ZDHHC11B: variants seen among roughly 807,000 people sequenced by gnomAD.
ZDHHC11B encodes the protein probable palmitoyltransferase ZDHHC11B.
A neutral mutation model predicts 42.3 loss-of-function variants in ZDHHC11B; 17 were observed. The ratio of observed to expected loss-of-function variants is 0.40; its 90% CI spans 0.27 to 0.60. ZDHHC11B has a LOEUF of 0.60. Ranked by LOEUF, ZDHHC11B falls within the 20% of genes least tolerant of loss-of-function variation. The pLI is 0.41. For synonymous variants in ZDHHC11B, 123 were observed against 193.5 expected, an observed-to-expected ratio of 0.64 and a Z score of 3.02; for missense variants, 262 against 463.2, an observed-to-expected ratio of 0.57 and a Z score of 3.99.
At chr5:721,880 A>T (rs1249527705) in intron 12 of ZDHHC11B, among the ~76,000 whole-genome samples, 1 of 151,786 alleles carries the variant, frequency 6.6e-6, no homozygotes, top group Non-Finnish European at 1.5e-5. Flanking sequence ...GACAAAACTG[A>T]TGAGTGGAAT....
intron 1 of ZDHHC11B, among the ~76,000 whole-genome samples, chr5:777,444 G>C (rs1341214377): frequency 2.0e-5 from 3 of 146,554 alleles, no homozygotes; most frequent in Non-Finnish European, 3.0e-5. Context: ...TCCCTGGTGA[G>C]TGCTACAGCT....
rs1741385510 is a variant in ZDHHC11B, at chr5:711,668, T to TCCCAGTACTGTGCTCCTATTC, written c.*601_*621dup. 6.7e-6 allele frequency: 1 copy of TCCCAGTACTGTGCTCCTATTC among 149,878 alleles called. No individual in the cohort carries two copies. The highest frequency in any genetic ancestry group is 1.5e-5 in the Non-Finnish European group (1 of 67,604). The allele number at this position is 149,878 out of a possible 1,614,324, so 9.3% of individuals were successfully genotyped here. ...TCTCCCAGTGCTGTTTGCTCCCATT[T>TCCCAGTACTGTGCTCCTATTC]CCCAGTACTGTGCTCCTATTCCCCA... On this transcript the variant is annotated 3_prime_UTR_variant, in exon 14 of 14. Transcript: ENST00000508859.
At chr5:729,299 C>G (rs2126996587) in intron 12 of ZDHHC11B, among the ~76,000 whole-genome samples, 1 of 151,272 alleles carries the variant, frequency 6.6e-6, no homozygotes. Context: ...CCATCTGGCC[C>G]CCCTGAGCAG....
intron 4 of ZDHHC11B, among the ~76,000 whole-genome samples, chr5:766,099 G>A (rs1246190368): frequency 6.6e-6 from 1 of 151,848 alleles, no homozygotes; most frequent in African/African-American, 2.4e-5. Flanking sequence ...GTCAGCTGGA[G>A]GTAGTGCAGA....
chr5:772,598 C>A (rs1400169488), intron 1 of ZDHHC11B, among the ~76,000 whole-genome samples: 1 of 151,114 alleles, frequency 6.6e-6, no homozygotes, highest in Non-Finnish European at 1.5e-5. Context: ...CGTCAACAGC[C>A]GAGAAGAAGT....
At position 730,456 on chromosome 5, in the gene ZDHHC11B, C is replaced by A. The variant is rs749268769; in HGVS notation, c.1036G>T (p.Ala346Ser). ...GDSKAQEADD[A>S]PSTSTLGLQQ... ...TACCCAAGTGTAGATGTACTCGGGG[C>A]ATCATCTGCTTCCTGTGGGGGGAAG... is the stretch of plus-strand genomic sequence containing the variant. The change falls in exon 12 of 14, where the codon GCC becomes TCC. Residue 346 changes from alanine (A) to serine (S), a missense_variant. Ala to Ser is a moderately conservative substitution (Grantham distance 99). Coordinates refer to ENST00000508859, the MANE Select transcript of ZDHHC11B (RefSeq NM_001351303.2). The A allele has an allele frequency of 6.4e-6, 10 of 1,567,214 alleles. No individual in the cohort carries two copies. Among genetic ancestry groups the A allele is most frequent in the Non-Finnish European group, 7.7e-6 (9 of 1,164,362 alleles).
At chr5:733,710 C>A (rs532204586) in intron 11 of ZDHHC11B, 42 bp downstream of exon 11, 16 of 1,557,618 alleles carry the variant, frequency 1.0e-5, no homozygotes, top group Non-Finnish European at 1.4e-5. Context: ...ATTCTGCACA[C>A]GGCCCTGTCC....
intron 10 of ZDHHC11B, among the ~76,000 whole-genome samples, chr5:738,853 T>G (rs763414420): frequency 1.1e-4 from 16 of 150,818 alleles, no homozygotes; most frequent in Middle Eastern, 3.4e-3. Flanking sequence ...AGAAAAACTT[T>G]TCTAGGCATT....
chr5:767,013 GC>G, intron 3 of ZDHHC11B, 94 bp from the exon 4 acceptor site: 3 of 1,424,536 alleles, frequency 2.1e-6, no homozygotes, highest in Non-Finnish European at 1.9e-6. Context: ...TGGGAACATG[GC>G]CCCCAGGACC....
intron 1 of ZDHHC11B, among the ~76,000 whole-genome samples, chr5:773,339 A>AGGCTC (rs1218964739): frequency 6.6e-6 from 1 of 151,790 alleles, no homozygotes; most frequent in East Asian, 1.9e-4. Flanking sequence ...TTTCCCCCAG[A>AGGCTC]GGCTCTGCTC....
intron 11 of ZDHHC11B, chr5:732,713 C>A (rs1743114157): frequency 2.3e-6 from 1 of 428,114 alleles, no homozygotes. Flanking sequence ...AGAAACTGGC[C>A]CCCTCACAAA....
intron 4 of ZDHHC11B, among the ~76,000 whole-genome samples, chr5:759,342 A>G (rs527719308): frequency 9.3e-4 from 141 of 151,890 alleles, no homozygotes; most frequent in Middle Eastern, 3.4e-3. Flanking sequence ...GCGAGCCCAC[A>G]GCCCCTACTC....
rs1303673208 is a variant in ZDHHC11B at position 743,478 on chromosome 5, G to A, written c.900+1705C>T. Among the ~76,000 whole-genome samples the A allele has an allele frequency of 2.0e-5, 3 of 147,958 alleles. No homozygotes were observed. In the Admixed American group the frequency reaches 2.1e-4, roughly 10 times the overall value. On this transcript the variant is annotated intron_variant, in intron 9 of 13. Coordinates refer to ENST00000508859, the MANE Select transcript of ZDHHC11B (RefSeq NM_001351303.2). Reference sequence around the variant, plus strand: ...CTGCTGGGGTTCAGCAGGGATTGTGGTAAATCTGTAGATAAGTTTTGGGGA... The same window carrying A: ...CTGCTGGGGTTCAGCAGGGATTGTGATAAATCTGTAGATAAGTTTTGGGGA...
intron 8 of ZDHHC11B, among the ~76,000 whole-genome samples, chr5:746,683 G>T (rs577977439): frequency 5.4e-4 from 81 of 150,454 alleles, no homozygotes; most frequent in African/African-American, 1.6e-3. Context: ...AGCCACACTT[G>T]TTTGTGTCTC....
intron 1 of ZDHHC11B, among the ~76,000 whole-genome samples, chr5:780,747 G>T (rs1358262566): frequency 1.3e-5 from 2 of 151,470 alleles, no homozygotes; most frequent in African/African-American, 2.4e-5. Flanking sequence ...CTGGTGGGAG[G>T]TGAGGCTGAG....
rs1303172329 is a variant in ZDHHC11B at position 737,927 on chromosome 5, A to G, written c.935+3667T>C. ...TGCCCACTTTCACCACTTCCTTTCG[A>G]CACAGTACTGGAAGATCTAGCCAGA... is the stretch of plus-strand genomic sequence containing the variant. On this transcript the variant is annotated intron_variant, in intron 10 of 13. Coordinates refer to ENST00000508859, the MANE Select transcript of ZDHHC11B (RefSeq NM_001351303.2). 1.5e-5 allele frequency among the ~76,000 whole-genome samples: 2 copies of G among 132,586 alleles called. 1 individual carries two copies. Among genetic ancestry groups the G allele is most frequent in the Admixed American group, 1.7e-4 (2 of 12,066 alleles). The allele number at this position is 132,586 out of a possible 152,430, so 87.0% of individuals were successfully genotyped here. A position where few individuals can be genotyped will look rare whatever the true frequency, so the allele number is the denominator to read the frequency against.
rs558503566 is a variant in ZDHHC11B at position 726,910 on chromosome 5, T to C, written c.1058+3524A>G. ...GAAATGGATAAAGGAGAAAATGTCT[T>C]AGTTTTTACCTAATAATAGAACCAT... On this transcript the variant is annotated intron_variant, in intron 12 of 13. Coordinates refer to ENST00000508859, the MANE Select transcript of ZDHHC11B (RefSeq NM_001351303.2). Among the ~76,000 whole-genome samples, 591 of 123,138 alleles carry C rather than the reference T, an allele frequency of 4.8e-3. 31 individuals carry two copies. Among genetic ancestry groups the C allele is most frequent in the African/African-American group, 0.019 (561 of 29,482 alleles). 80.8% of individuals were successfully genotyped at this position (123,138 alleles called of 152,430 possible). A position where few individuals can be genotyped will look rare whatever the true frequency, so the allele number is the denominator to read the frequency against.
chr5:773,046 C>T (rs1397665226), intron 1 of ZDHHC11B, among the ~76,000 whole-genome samples: 1 of 151,976 alleles, frequency 6.6e-6, no homozygotes, highest in African/African-American at 2.4e-5. Context: ...ACACACAGAT[C>T]AGGAGCGGAG....
At position 767,167 on chromosome 5, in the gene ZDHHC11B, G is replaced by A. The variant is rs1430402480; in HGVS notation, c.-1+225C>T. Among the ~76,000 whole-genome samples, 100 of 152,060 alleles carry A rather than the reference G, an allele frequency of 6.6e-4. 4 individuals carry two copies. The highest frequency in any genetic ancestry group is 2.3e-3 in the African/African-American group (97 of 41,478). ...AATCTGACCCTGGCCAGAGCCGAGT[G>A]GCAACAGAAAATGGCTCTCCAGGGT... On this transcript the variant is annotated intron_variant, in intron 3 of 13. Coordinates refer to ENST00000508859, the MANE Select transcript of ZDHHC11B (RefSeq NM_001351303.2).
Sources: gnomAD v4.1 joint callset for allele counts (sites outside exome capture counted in the v4.1 genomes callset) on GRCh38, gnomAD v4.1.1 for gene constraint, MANE v1.5 for transcripts, NCBI Gene and HGNC (gene_info 2026-07-23, HGNC 2026-07-21) for gene names.